The following NRXN1 variants were observed in gnomAD, a reference collection of about 807,000 sequenced individuals.
NRXN1 encodes the protein neurexin-1.
NRXN1 carries 39 observed loss-of-function variants against 150.9 expected under a neutral mutation model. The ratio of observed to expected loss-of-function variants is 0.26; its 90% confidence interval spans 0.20 to 0.34. The LOEUF is 0.34. NRXN1 is among the 10% of genes least tolerant of loss of function. The pLI, the probability that NRXN1 is intolerant of heterozygous loss-of-function variation, is 1.00. For missense variants in NRXN1, 1,815 were observed against 1,949.9 expected (o/e 0.93, Z 1.30); for synonymous variants, 924 against 757.0 (o/e 1.22, Z -3.62).
At chr2:50,799,662 A>G (rs1707319047) in intron 5 of NRXN1, among the ~76,000 whole-genome samples, 3 of 152,188 alleles carry the variant, frequency 2.0e-5, no homozygotes, top group Non-Finnish European at 4.4e-5. Context: ...TTATTATTAT[A>G]AAATAGGCTT....
At chr2:49,929,854 T>C (rs1387768373) in intron 22 of NRXN1, among the ~76,000 whole-genome samples, 1 of 152,126 alleles carries the variant, frequency 6.6e-6, no homozygotes, top group African/African-American at 2.4e-5. Flanking sequence ...TATGTCCTCA[T>C]GGACCTTAAA....
chr2:50,052,564 A>G (rs976313960), intron 21 of NRXN1, among the ~76,000 whole-genome samples: 7 of 152,136 alleles, frequency 4.6e-5, no homozygotes, highest in Non-Finnish European at 1.5e-5. Flanking sequence ...TGATTGAATT[A>G]ACATACTTCC....
intron 18 of NRXN1, among the ~76,000 whole-genome samples, chr2:50,145,101 A>T (rs901153501): frequency 6.6e-6 from 1 of 151,752 alleles, no homozygotes; most frequent in Non-Finnish European, 1.5e-5. Context: ...GTATAAAAGC[A>T]TATTTTTAGT....
intron 5 of NRXN1, among the ~76,000 whole-genome samples, chr2:50,763,574 G>A (rs1453606686): frequency 6.6e-6 from 1 of 151,782 alleles, no homozygotes; most frequent in Non-Finnish European, 1.5e-5. Context: ...AATTAGCTGA[G>A]AGCTTTTTAT....
intron 22 of NRXN1, among the ~76,000 whole-genome samples, chr2:49,936,442 T>C (rs1160445370): frequency 6.6e-6 from 1 of 152,136 alleles, no homozygotes; most frequent in African/African-American, 2.4e-5. Context: ...GTTAAACCCT[T>C]AGTATGTGGT....
In NRXN1 at chr2:50,977,196, GAA is replaced by G. The variant is rs1281564940; in HGVS notation, c.772+50304_772+50305del. Among the ~76,000 whole-genome samples, 3 of 151,898 alleles carry G rather than the reference GAA, an allele frequency of 2.0e-5. No individual in the cohort carries two copies. In the East Asian group the frequency reaches 5.8e-4, roughly 29 times the overall value. On this transcript the variant is annotated intron_variant, in intron 2 of 22. Transcript: ENST00000401669. ...ATATAAAAAGAAAAGGAAAGAGAAAGAAAATTTAGAGCACATTCATTATATAA... is the reference window on the plus strand; with the variant it reads ...ATATAAAAAGAAAAGGAAAGAGAAAGAATTTAGAGCACATTCATTATATAA...
intron 21 of NRXN1, among the ~76,000 whole-genome samples, chr2:50,004,375 TAG>T (rs1214130641): frequency 2.0e-5 from 3 of 152,084 alleles, no homozygotes; most frequent in East Asian, 1.9e-4. Flanking sequence ...AAGGTATATA[TAG>T]AGAGAGTGGA....
chr2:50,694,469 T>C (rs530404419), intron 5 of NRXN1, among the ~76,000 whole-genome samples: 4 of 152,338 alleles, frequency 2.6e-5, no homozygotes, highest in African/African-American at 7.2e-5. Flanking sequence ...CCTTGGAATC[T>C]GTCCCTCTTT....
intron 5 of NRXN1, chr2:50,918,657 C>T: frequency 2.8e-6 from 1 of 362,242 alleles, no homozygotes; most frequent in Non-Finnish European, 5.0e-6. Context: ...TATAAATAAA[C>T]AATCAAAGCA....
intron 21 of NRXN1, chr2:49,966,572 G>T (rs1299763915): frequency 6.6e-6 from 1 of 150,936 alleles, no homozygotes; most frequent in African/African-American, 2.4e-5. Context: ...TGAAATGTTA[G>T]ACCTGCGAAC....
rs138297319 is a variant in NRXN1, at chr2:50,219,794, G to A, written c.3546+16995C>T. Among the ~76,000 whole-genome samples the A allele has an allele frequency of 2.1e-3, 308 of 148,920 alleles. 1 individual carries two copies. The highest frequency in any genetic ancestry group is 7.3e-3 in the African/African-American group (295 of 40,340). Reference sequence around the variant, plus strand: ...TCCCAGATACTTGAGAGGCTAAGGCGAGAAGATTGCTTGAGCCTCGGGAGT... The same window carrying A: ...TCCCAGATACTTGAGAGGCTAAGGCAAGAAGATTGCTTGAGCCTCGGGAGT... On this transcript the variant is annotated intron_variant, in intron 18 of 22. Coordinates refer to ENST00000401669, the MANE Select transcript of NRXN1 (RefSeq NM_001330078.2).
At chr2:50,049,577 T>A (rs1424922893) in intron 21 of NRXN1, among the ~76,000 whole-genome samples, 1 of 152,132 alleles carries the variant, frequency 6.6e-6, no homozygotes, top group Non-Finnish European at 1.5e-5. Flanking sequence ...TGTAAAATAT[T>A]CTCGAAGGAA....
intron 8 of NRXN1, among the ~76,000 whole-genome samples, chr2:50,611,809 A>G (rs1377381568): frequency 6.6e-6 from 1 of 152,140 alleles, no homozygotes; most frequent in Non-Finnish European, 1.5e-5. Flanking sequence ...TCACAGAGGT[A>G]ACAGCTCCAG....
chr2:50,560,127 C>A (rs1209767927), intron 8 of NRXN1, among the ~76,000 whole-genome samples: 1 of 152,176 alleles, frequency 6.6e-6, no homozygotes, highest in African/African-American at 2.4e-5. Flanking sequence ...ATCTCCCACC[C>A]AAAATCAAGT....
rs184387296 is a variant in NRXN1 at position 50,375,197 on chromosome 2, T to C, written c.3364+90245A>G. ...CATTGCTTTTAAGAGGAAAGTTGCA[T>C]GCTTTCTCTTGAATAATTGATGTAG... is the stretch of plus-strand genomic sequence containing the variant. On this transcript the variant is annotated intron_variant, in intron 17 of 22. Transcript: ENST00000401669. 1.2e-4 allele frequency among the ~76,000 whole-genome samples: 18 copies of C among 152,168 alleles called. No individual in the cohort carries two copies. The Middle Eastern group carries it at 0.017, about 144-fold the overall frequency.
chr2:50,099,097 T>C (rs540312296), intron 18 of NRXN1, among the ~76,000 whole-genome samples: 1 of 152,198 alleles, frequency 6.6e-6, no homozygotes, highest in South Asian at 2.1e-4. Context: ...GACTATATTC[T>C]GGCAGCGATA....
chr2:50,073,582 C>T (rs1696614085), intron 19 of NRXN1, among the ~76,000 whole-genome samples: 1 of 152,140 alleles, frequency 6.6e-6, no homozygotes, highest in Non-Finnish European at 1.5e-5. Flanking sequence ...TAGGTAGTCA[C>T]AGTAGTGCTC....
At chr2:50,206,875 A>T (rs2062622184) in intron 18 of NRXN1, among the ~76,000 whole-genome samples, 1 of 148,866 alleles carries the variant, frequency 6.7e-6, no homozygotes, top group South Asian at 2.1e-4. Flanking sequence ...ACACACAGAA[A>T]TGGGCAGTAC....
At position 50,673,972 on chromosome 2, in the gene NRXN1, T is replaced by G. The variant is rs113506404; in HGVS notation, c.833-50357A>C. ...AGGGGGTGGGGTGCTGGGGGAGGCA[T>G]AGCATAATGAGAAATACCTAATGTA... is the stretch of plus-strand genomic sequence containing the variant. On this transcript the variant is annotated intron_variant, in intron 5 of 22. Coordinates refer to ENST00000401669, the MANE Select transcript of NRXN1 (RefSeq NM_001330078.2). Among the ~76,000 whole-genome samples the G allele has an allele frequency of 8.1e-3, 1,230 of 152,102 alleles. 25 individuals carry two copies. The highest frequency in any genetic ancestry group is 0.026 in the African/African-American group (1,097 of 41,512).
Sources: gnomAD v4.1 joint callset for allele counts (sites outside exome capture counted in the v4.1 genomes callset) on GRCh38, gnomAD v4.1.1 for gene constraint, MANE v1.5 for transcripts, NCBI Gene and HGNC (gene_info 2026-07-23, HGNC 2026-07-21) for gene names.